The following MGA variants were observed in gnomAD, a reference collection of about 807,000 sequenced individuals.
MGA encodes the protein MAX gene-associated protein.
A neutral mutation model predicts 261.1 loss-of-function variants in MGA; 40 were observed. The observed-to-expected ratio is 0.15, with a 90% CI of 0.12 to 0.20. MGA has a LOEUF of 0.20. Among genes scored for constraint, MGA ranks in the 10% least tolerant of loss-of-function variants. MGA has a pLI of 1.00. For missense variants in MGA, 3,397 were observed against 3,630.5 expected, an observed-to-expected ratio of 0.94 and a Z score of 1.65; for synonymous variants, 1,302 against 1,290.6, an observed-to-expected ratio of 1.01 and a Z score of -0.19.
chr15:41,715,714 A>T (rs2060599078), intron 9 of MGA, among the ~76,000 whole-genome samples: 1 of 152,140 alleles, frequency 6.6e-6, no homozygotes, highest in Non-Finnish European at 1.5e-5. Context: ...CTGTTTTGTG[A>T]CCAGTGCCAG....
chr15:41,729,120 G>A, intron 10 of MGA, 44 bp from the exon 11 acceptor site: 4 of 1,574,570 alleles, frequency 2.5e-6, no homozygotes, highest in Non-Finnish European at 3.5e-6. Context: ...GTCTAGCGGA[G>A]TTTTTCCCAC....
At chr15:41,735,585 A>G (rs1041700410) in intron 12 of MGA, among the ~76,000 whole-genome samples, 4 of 152,148 alleles carry the variant, frequency 2.6e-5, no homozygotes, top group Non-Finnish European at 4.4e-5. Context: ...AAAAATACAA[A>G]AATTAACTGG....
At position 41,749,972 on chromosome 15, in the gene MGA, A is replaced by G. The variant is rs375709772; in HGVS notation, c.6365A>G (p.Asn2122Ser). 1.3e-5 allele frequency: 21 copies of G among 1,612,474 alleles called. No individual in the cohort carries two copies. The highest frequency in any genetic ancestry group is 9.4e-5 in the African/African-American group (7 of 74,768). Residue 2122 changes from asparagine to serine, a missense_variant, in exon 17 of 24, where the codon AAT becomes AGT. Transcript: ENST00000219905. ...GTGGAACAGCAGAAAGGATTTGACA[A>G]TCCAGAAGAAAACTCAAGTGAATTT...
At chr15:41,673,453 A>C (rs1350726545) in intron 2 of MGA, among the ~76,000 whole-genome samples, 3 of 149,132 alleles carry the variant, frequency 2.0e-5, no homozygotes, top group Non-Finnish European at 1.5e-5. Context: ...CCTGGCCTCA[A>C]GTGATCCTCC....
At chr15:41,644,160 C>A (rs1243885138) in intron 1 of MGA, among the ~76,000 whole-genome samples, 2 of 151,738 alleles carry the variant, frequency 1.3e-5, no homozygotes, top group Non-Finnish European at 2.9e-5. Context: ...CATAATAAGA[C>A]ATTTCTTCAT....
chr15:41,671,764 C>T (rs756751776), intron 2 of MGA, among the ~76,000 whole-genome samples: 7 of 152,200 alleles, frequency 4.6e-5, no homozygotes, highest in Non-Finnish European at 5.9e-5. Flanking sequence ...AATTTGGAAT[C>T]TCCGTGCTCA....
intron 2 of MGA, among the ~76,000 whole-genome samples, chr15:41,679,733 A>T: frequency 6.6e-6 from 1 of 150,470 alleles, no homozygotes; most frequent in African/African-American, 2.4e-5. Context: ...TGTGGGGGGG[A>T]CTGAGTGCGT....
chr15:41,723,315 A>G (rs1567034789), intron 9 of MGA, among the ~76,000 whole-genome samples: 1 of 152,094 alleles, frequency 6.6e-6, no homozygotes, highest in Non-Finnish European at 1.5e-5. Context: ...AGGGATCAGT[A>G]TTTTGTTCTT....
In MGA at chr15:41,768,214, T is replaced by G. The variant is rs550816156; in HGVS notation, c.*934T>G. The G allele has an allele frequency of 6.6e-6, 1 of 152,654 alleles. No individual in the cohort carries two copies. Among genetic ancestry groups the G allele is most frequent in the Non-Finnish European group, 1.5e-5 (1 of 68,042 alleles). 9.5% of individuals were successfully genotyped at this position (152,654 alleles called of 1,614,324 possible). A position where few individuals can be genotyped will look rare whatever the true frequency, so the allele number is the denominator to read the frequency against. ...TGGTGCTTGAAGGTTTCATTCACTA[T>G]TACCTGCACAGGATGTAAAGAAAAG... is the stretch of plus-strand genomic sequence containing the variant. On this transcript the variant is annotated 3_prime_UTR_variant, in exon 24 of 24. Coordinates refer to ENST00000219905, the MANE Select transcript of MGA (RefSeq NM_001164273.2).
chr15:41,723,049 A>G (rs966991744), intron 9 of MGA, among the ~76,000 whole-genome samples: 3 of 152,234 alleles, frequency 2.0e-5, no homozygotes, highest in Non-Finnish European at 4.4e-5. Flanking sequence ...ATTAGGAGGC[A>G]TTTCAGTAGA....
At chr15:41,755,698 C>G (rs749008659) in intron 18 of MGA, among the ~76,000 whole-genome samples, 1 of 152,292 alleles carries the variant, frequency 6.6e-6, no homozygotes, top group African/African-American at 2.4e-5. Flanking sequence ...AGCACAAACA[C>G]TGTAAGGGAA....
intron 9 of MGA, among the ~76,000 whole-genome samples, chr15:41,720,748 T>C (rs1041539553): frequency 1.3e-5 from 2 of 151,788 alleles, no homozygotes; most frequent in African/African-American, 2.4e-5. Context: ...CACGAGAATC[T>C]CTTGAACCCG....
chr15:41,669,568 C>G lies in MGA; in HGVS notation c.674C>G (p.Thr225Ser). The G allele has an allele frequency of 6.2e-7, 1 of 1,614,008 alleles. No homozygotes were observed. Among genetic ancestry groups the G allele is most frequent in the Non-Finnish European group, 8.5e-7 (1 of 1,179,902 alleles). Residue 225 changes from threonine to serine, a missense_variant, in exon 2 of 24, where the codon ACT becomes AGT. Transcript: ENST00000219905. ...CAATTAAATGGCCCTGGTGTCCACA[C>G]TTTTACCTTCCCACAGACTGAATTC... is the stretch of plus-strand genomic sequence containing the variant.
intron 2 of MGA, among the ~76,000 whole-genome samples, chr15:41,688,390 T>C (rs1362349048): frequency 6.6e-6 from 1 of 152,192 alleles, no homozygotes; most frequent in Non-Finnish European, 1.5e-5. Context: ...TATTTTAAAG[T>C]CTACTTTGTT....
chr15:41,663,816 A>G (rs761090199), intron 1 of MGA, among the ~76,000 whole-genome samples: 10 of 152,218 alleles, frequency 6.6e-5, no homozygotes, highest in Non-Finnish European at 1.3e-4. Context: ...CGGTTGGCTT[A>G]AGTAGACTTT....
At chr15:41,736,055 AC>A (rs1280846107) in intron 12 of MGA, 125 bp from the exon 13 acceptor site, 2 of 849,538 alleles carry the variant, frequency 2.4e-6, no homozygotes, top group Non-Finnish European at 3.5e-6. Flanking sequence ...GAAAGTTGAT[AC>A]ATTTTAAGTT....
intron 9 of MGA, 80 bp from the exon 10 acceptor site, chr15:41,727,100 G>C (rs2061291341): frequency 9.7e-7 from 1 of 1,034,614 alleles, no homozygotes. Flanking sequence ...GTGAGGGAGC[G>C]TATTTTGTTT....
chr15:41,721,322 G>A (rs1394205020), intron 9 of MGA, among the ~76,000 whole-genome samples: 2 of 152,042 alleles, frequency 1.3e-5, no homozygotes, highest in African/African-American at 4.8e-5. Flanking sequence ...ACAAAAATTA[G>A]CCAGGTGTGA....
At chr15:41,718,982 A>T (rs2060800951) in intron 9 of MGA, among the ~76,000 whole-genome samples, 2 of 152,164 alleles carry the variant, frequency 1.3e-5, no homozygotes, top group Admixed American at 6.5e-5. Flanking sequence ...GGCTTTATTC[A>T]TGGATAGGAA....
Sources: gnomAD v4.1 joint callset for allele counts (sites outside exome capture counted in the v4.1 genomes callset) on GRCh38, gnomAD v4.1.1 for gene constraint, MANE v1.5 for transcripts, NCBI Gene and HGNC (gene_info 2026-07-23, HGNC 2026-07-21) for gene names.